Variants in LGI1 observed in about 807,000 individuals in gnomAD.
The protein encoded by LGI1 is leucine rich glioma inactivated 1, also known as leucine-rich glioma-inactivated protein 1.
A neutral mutation model predicts 57.7 loss-of-function variants in LGI1; 11 were observed. That is an observed-to-expected ratio of 0.19 (90% CI 0.12 to 0.32). The LOEUF is 0.32. Among genes scored for constraint, LGI1 ranks in the 10% least tolerant of loss-of-function variants. The probability of loss-of-function intolerance (pLI) is 1.00; values close to 1 mark genes in which losing one functional copy is unlikely to be tolerated. For synonymous variants in LGI1, 222 were observed against 241.9 expected (o/e 0.92, Z 0.76); for missense variants, 422 against 661.9 (o/e 0.64, Z 3.98).
intron 2 of LGI1, among the ~76,000 whole-genome samples, chr10:93,775,803 G>C (rs758805760): frequency 6.6e-6 from 1 of 152,154 alleles, no homozygotes; most frequent in Non-Finnish European, 1.5e-5. Flanking sequence ...AGAAGTCCCT[G>C]GTCCTTGGGC....
At chr10:93,773,727 A>G (rs1415242917) in intron 2 of LGI1, among the ~76,000 whole-genome samples, 1 of 152,140 alleles carries the variant, frequency 6.6e-6, no homozygotes, top group African/African-American at 2.4e-5. Flanking sequence ...GGGAGGGTGT[A>G]GACAGATCAG....
intron 4 of LGI1, among the ~76,000 whole-genome samples, chr10:93,778,229 C>T (rs776354538): frequency 8.5e-5 from 13 of 152,110 alleles, no homozygotes; most frequent in Non-Finnish European, 1.3e-4. Flanking sequence ...CAGCCCTTCA[C>T]GACCAAGAAT....
chr10:93,777,720 A>G (rs1449534759), intron 4 of LGI1, 103 bp downstream of exon 4: 13 of 870,722 alleles, frequency 1.5e-5, no homozygotes, highest in Non-Finnish European at 2.4e-5. Flanking sequence ...ATAAAAATTT[A>G]AGAAACCCAA....
intron 2 of LGI1, among the ~76,000 whole-genome samples, chr10:93,774,420 CT>C (rs1236981759): frequency 4.6e-5 from 7 of 152,152 alleles, no homozygotes; most frequent in Non-Finnish European, 1.0e-4. Flanking sequence ...AAAAACTTAT[CT>C]TGGTGGGTTT....
chr10:93,797,040 G>C lies in LGI1; in HGVS notation c.911G>C (p.Gly304Ala), dbSNP rs1231988997. Residue 304 changes from glycine to alanine, a missense_variant, in exon 8 of 8, where the codon GGT (glycine) becomes GCT (alanine). Around this residue, in one of 3 missense-constraint regions of LGI1, gnomAD observed 301 missense variants for 461.7 expected, o/e 0.65. Transcript: ENST00000371418. This position sits in a 1 kb window ranked among gnomAD's most constrained non-coding sequence, Gnocchi z 6.5. ...QLYVIVAQLF[G>A]GSHIYKRDSF... ...TATGTTATTGTGGCCCAGCTGTTTG[G>C]TGGCTCTCACATCTATAAGCGAGAC... 6.2e-7 allele frequency: 1 copy of C among 1,614,044 alleles called. No individual in the cohort carries two copies. The highest frequency in any genetic ancestry group is 1.1e-5 in the South Asian group (1 of 91,038).
At chr10:93,759,898 A>T (rs1324777611) in intron 2 of LGI1, among the ~76,000 whole-genome samples, 2 of 152,200 alleles carry the variant, frequency 1.3e-5, no homozygotes, top group Non-Finnish European at 2.9e-5. Flanking sequence ...TCTTGTGCAG[A>T]TTAGTATATC....
At chr10:93,780,150 C>A (rs1214037876) in intron 4 of LGI1, 1 of 152,574 alleles carries the variant, frequency 6.6e-6, no homozygotes, top group African/African-American at 2.4e-5. Context: ...CCTTTGTCCC[C>A]AAGTTATGTT....
intron 4 of LGI1, among the ~76,000 whole-genome samples, chr10:93,783,665 A>G (rs1363638341): frequency 1.3e-5 from 2 of 152,150 alleles, no homozygotes; most frequent in African/African-American, 4.8e-5. Context: ...TTGCCTAGAT[A>G]TGTACGCGTC....
Position 93,758,497 on chromosome 10 carries a change from C to G in LGI1, c.215+138C>G, listed in dbSNP as rs1008288506. 2.2e-6 allele frequency: 2 copies of G among 903,402 alleles called. No homozygotes were observed. Among genetic ancestry groups the G allele is most frequent in the Admixed American group, 2.0e-5 (1 of 50,300 alleles). 56.0% of individuals were successfully genotyped at this position (903,402 alleles called of 1,614,324 possible). A position where few individuals can be genotyped will look rare whatever the true frequency, so the allele number is the denominator to read the frequency against. On this transcript the variant is annotated intron_variant, in intron 1 of 7. Transcript: ENST00000371418. The surrounding 1 kb of genome is among the most constrained non-coding windows in gnomAD (Gnocchi z 4.7). ...ATGCTTGGCCATTTGACAGTGCTAA[C>G]ATTTGCTGCATTTAGAATTTTTGAT... is the stretch of plus-strand genomic sequence containing the variant.
chr10:93,797,583 A>G lies in LGI1; in HGVS notation c.1454A>G (p.Asn485Ser). 6.2e-7 allele frequency: 1 copy of G among 1,614,154 alleles called. No homozygotes were observed. The highest frequency in any genetic ancestry group is 8.5e-7 in the Non-Finnish European group (1 of 1,180,010). The change falls in exon 8 of 8, where the codon AAT becomes AGT. Residue 485 changes from asparagine to serine, a missense_variant. Coordinates refer to ENST00000371418, the MANE Select transcript of LGI1 (RefSeq NM_005097.4). This position sits in a 1 kb window ranked among gnomAD's most constrained non-coding sequence, Gnocchi z 6.5. ...ATGGTGTTCCAGCCTCTTCAAATAA[A>G]TAATTACCAATATGCAATTCTTGGA... Reference protein sequence around the residue: ...GSMVFQPLQINNYQYAILGSD... With the variant: ...GSMVFQPLQISNYQYAILGSD...
intron 2 of LGI1, among the ~76,000 whole-genome samples, chr10:93,774,303 A>G (rs886181573): frequency 3.9e-5 from 6 of 152,178 alleles, no homozygotes. Context: ...GGAACCAAGT[A>G]TCAGTATTTT....
intron 4 of LGI1, 131 bp from the exon 5 acceptor site, chr10:93,789,968 A>G (rs921807613): frequency 3.9e-5 from 33 of 836,202 alleles, no homozygotes; most frequent in Non-Finnish European, 5.1e-5. Flanking sequence ...AGTTCAGAAG[A>G]AAAAAAAAGG....
In LGI1 at chr10:93,778,404, C is replaced by T. The variant is rs368888785; in HGVS notation, c.431+787C>T. On this transcript the variant is annotated intron_variant, in intron 4 of 7. Transcript: ENST00000371418. ...ACACAGGCACACATGTGCATACACA[C>T]ACACACTCACACACACACTCTCACA... Among the ~76,000 whole-genome samples, 330 of 152,086 alleles carry T rather than the reference C, an allele frequency of 2.2e-3. 1 individual carries two copies. The highest frequency in any genetic ancestry group is 0.01 in the Middle Eastern group (3 of 294).
intron 2 of LGI1, chr10:93,771,099 A>T (rs552005495): frequency 6.6e-6 from 1 of 152,336 alleles, no homozygotes; most frequent in East Asian, 1.9e-4. Context: ...ATGCCAAAAA[A>T]AAATGTGCCA....
At chr10:93,794,160 A>C (rs1357979919) in intron 7 of LGI1, 1 of 150,948 alleles carries the variant, frequency 6.6e-6, no homozygotes, top group Non-Finnish European at 1.5e-5. Context: ...CTGGGACTAC[A>C]GGTGCGTGCC....
chr10:93,766,512 C>CTCTTTTTTTTTTTTTTT (rs1554903463), intron 2 of LGI1, among the ~76,000 whole-genome samples: 9 of 84,590 alleles, frequency 1.1e-4, no homozygotes, highest in African/African-American at 2.9e-4. Context: ...TTATAGATCT[C>CTCTTTTTTTTTTTTTTT]TTTTTTTTTT....
intron 4 of LGI1, among the ~76,000 whole-genome samples, chr10:93,779,425 C>T (rs1318431684): frequency 5.6e-5 from 4 of 71,084 alleles, no homozygotes; most frequent in Non-Finnish European, 1.0e-4. Flanking sequence ...AGGGAGGGAG[C>T]GAGGGAGGGA....
intron 2 of LGI1, chr10:93,767,871 ACT>A (rs2133987951): frequency 6.6e-6 from 1 of 152,260 alleles, no homozygotes; most frequent in South Asian, 2.1e-4. Context: ...GTAAATATAC[ACT>A]GTCACTGTTT....
intron 2 of LGI1, among the ~76,000 whole-genome samples, chr10:93,774,359 T>C (rs1410344650): frequency 2.0e-5 from 3 of 152,132 alleles, no homozygotes; most frequent in Non-Finnish European, 4.4e-5. Flanking sequence ...TTCAGAAGCA[T>C]TGGCTCAGGT....
Sources: gnomAD v4.1 joint callset for allele counts (sites outside exome capture counted in the v4.1 genomes callset) on GRCh38, gnomAD v4.1.1 for gene constraint, gnomAD v4.1.1 regional missense constraint, Gnocchi (gnomAD v3.1) non-coding constraint, MANE v1.5 for transcripts, NCBI Gene and HGNC (gene_info 2026-07-23, HGNC 2026-07-21) for gene names.